The following CCDC102B variants were observed in gnomAD, a reference collection of about 807,000 sequenced individuals.
CCDC102B encodes the protein coiled-coil domain containing 102B, also known as coiled-coil domain-containing protein 102B.
In CCDC102B, 75 loss-of-function variants were observed where a neutral mutation model predicts 57.4. The ratio of observed to expected loss-of-function variants is 1.31; its 90% CI spans 1.08 to 1.58. CCDC102B has a LOEUF of 1.58. Among genes scored for constraint, CCDC102B ranks in the 40% most tolerant of loss-of-function variants. The pLI, the probability that CCDC102B is intolerant of heterozygous loss-of-function variation, is 0.00. For synonymous variants in CCDC102B, 206 were observed against 201.9 expected, an observed-to-expected ratio of 1.02 and a Z score of -0.17; for missense variants, 636 against 582.6, an observed-to-expected ratio of 1.09 and a Z score of -0.94.
chr18:68,853,702 A>AAAAAAAAAAAT (rs2038248352), intron 4 of CCDC102B, among the ~76,000 whole-genome samples: 1 of 145,046 alleles, frequency 6.9e-6, no homozygotes, highest in African/African-American at 2.7e-5. Context: ...AAAAAAAAAA[A>AAAAAAAAAAAT]TCTGACTCAA....
chr18:68,996,498 C>A (rs563563413), intron 6 of CCDC102B, among the ~76,000 whole-genome samples: 2 of 152,236 alleles, frequency 1.3e-5, no homozygotes, highest in African/African-American at 4.8e-5. Flanking sequence ...CCTTAATAAA[C>A]TCTGCTTCAT....
At chr18:68,838,531 A>C (rs867507240) in intron 2 of CCDC102B, 175 bp from the exon 3 acceptor site, 1 of 985,298 alleles carries the variant, frequency 1.0e-6, no homozygotes, top group Admixed American at 6.1e-5. Context: ...AGAAAAAAAC[A>C]AGCTCAAAGA....
At chr18:68,925,103 A>G (rs1041395430) in intron 6 of CCDC102B, among the ~76,000 whole-genome samples, 1 of 152,088 alleles carries the variant, frequency 6.6e-6, no homozygotes, top group Non-Finnish European at 1.5e-5. Flanking sequence ...CAGCCCTCCA[A>G]TTATGCTATG....
chr18:68,952,729 A>C (rs552736229), intron 6 of CCDC102B, among the ~76,000 whole-genome samples: 1 of 152,316 alleles, frequency 6.6e-6, no homozygotes, highest in East Asian at 1.9e-4. Context: ...ACTACTTGGC[A>C]AAATTTGTAA....
rs114823695 is a variant in CCDC102B at position 69,042,541 on chromosome 18, G to A, written c.1435-11489G>A. Among the ~76,000 whole-genome samples, 292 of 152,128 alleles carry A rather than the reference G, an allele frequency of 1.9e-3. 1 individual carries two copies. Among genetic ancestry groups the A allele is most frequent in the African/African-American group, 6.8e-3 (284 of 41,520 alleles). ...TCTACTTTTCTCTAACAAAATCGTG[G>A]TGATCTTTAAAAAGAAATTATATTA... is the stretch of plus-strand genomic sequence containing the variant. On this transcript the variant is annotated intron_variant, in intron 7 of 7. Coordinates refer to ENST00000360242, the MANE Select transcript of CCDC102B (RefSeq NM_024781.3).
chr18:69,017,995 CTG>C (rs61238979), intron 7 of CCDC102B, among the ~76,000 whole-genome samples: 10,982 of 149,016 alleles, frequency 0.074, 743 homozygotes, highest in East Asian at 0.19. Context: ...CTAAATATTT[CTG>C]TGTGTGTGTG....
chr18:69,045,016 T>C (rs1238087066), intron 7 of CCDC102B, among the ~76,000 whole-genome samples: 2 of 152,048 alleles, frequency 1.3e-5, no homozygotes, highest in African/African-American at 2.4e-5. Flanking sequence ...CCTTTTCTTG[T>C]TGTGTGTGCG....
intron 6 of CCDC102B, among the ~76,000 whole-genome samples, chr18:69,000,561 C>T (rs925506855): frequency 6.6e-6 from 1 of 152,106 alleles, no homozygotes; most frequent in Non-Finnish European, 1.5e-5. Context: ...CAGAGTATGA[C>T]TCATGGCTGT....
At chr18:69,032,952 A>T (rs60639915) in intron 7 of CCDC102B, among the ~76,000 whole-genome samples, 11,838 of 152,208 alleles carry the variant, frequency 0.078, 1,546 homozygotes, top group African/African-American at 0.27. Flanking sequence ...TATATGCATA[A>T]CAATAATCAT....
chr18:68,881,227 A>G (rs2039683490), intron 5 of CCDC102B, among the ~76,000 whole-genome samples: 1 of 152,246 alleles, frequency 6.6e-6, no homozygotes, highest in African/African-American at 2.4e-5. Context: ...TAATATGTGC[A>G]TCCTTGTCTT....
intron 6 of CCDC102B, among the ~76,000 whole-genome samples, chr18:68,924,106 G>A (rs12961346): frequency 0.89 from 135,224 of 151,106 alleles, 60,578 homozygotes; most frequent in East Asian, 0.99. Context: ...CAGTCTCTGC[G>A]TCTCAGCCCC....
rs532109730 is a variant in CCDC102B at position 68,875,160 on chromosome 18, G to C, written c.1053+375G>C. 6.6e-5 allele frequency among the ~76,000 whole-genome samples: 10 copies of C among 152,138 alleles called. No homozygotes were observed. The South Asian group carries it at 2.1e-3, about 32-fold the overall frequency. On this transcript the variant is annotated intron_variant, in intron 5 of 7. Coordinates refer to ENST00000360242, the MANE Select transcript of CCDC102B (RefSeq NM_024781.3). Reference sequence around the variant, plus strand: ...TGCAATTTCTGGTGGAATTAACATTGCTATTGGAAGCTAACAACAGTGAGA... The same window carrying C: ...TGCAATTTCTGGTGGAATTAACATTCCTATTGGAAGCTAACAACAGTGAGA...
chr18:68,876,809 G>GA (rs1319924780), intron 5 of CCDC102B, among the ~76,000 whole-genome samples: 3 of 152,066 alleles, frequency 2.0e-5, no homozygotes, highest in African/African-American at 7.2e-5. Flanking sequence ...AACCACTGGA[G>GA]AAAAATAACA....
chr18:69,050,453 A>G (rs1000501352), intron 7 of CCDC102B, among the ~76,000 whole-genome samples: 1 of 152,188 alleles, frequency 6.6e-6, no homozygotes, highest in Non-Finnish European at 1.5e-5. Flanking sequence ...TTTCCTAGTC[A>G]TGATAGTGCC....
At chr18:68,812,801 A>G (rs980307396) in intron 1 of CCDC102B, among the ~76,000 whole-genome samples, 2 of 152,188 alleles carry the variant, frequency 1.3e-5, no homozygotes, top group Admixed American at 6.5e-5. Context: ...AAGAATTAAC[A>G]TACAGGAATT....
At chr18:68,991,999 A>G (rs8095883) in intron 6 of CCDC102B, among the ~76,000 whole-genome samples, 130,325 of 152,120 alleles carry the variant, frequency 0.86, 57,833 homozygotes, top group Non-Finnish European at 0.97. Context: ...ATTAGGCTTT[A>G]TAATTTTTTC....
At chr18:68,862,997 C>G (rs2038826804) in intron 4 of CCDC102B, among the ~76,000 whole-genome samples, 1 of 151,754 alleles carries the variant, frequency 6.6e-6, no homozygotes, top group Non-Finnish European at 1.5e-5. Flanking sequence ...ACTTACTTAT[C>G]ACTAAATATA....
chr18:68,759,794 T>C (rs566376415), intron 2 of CCDC102B, among the ~76,000 whole-genome samples: 57 of 152,124 alleles, frequency 3.7e-4, no homozygotes, highest in South Asian at 6.3e-4. Flanking sequence ...AGCTGGATTG[T>C]AGACCTACAG....
At chr18:68,921,149 C>G (rs909370158) in intron 6 of CCDC102B, among the ~76,000 whole-genome samples, 7 of 152,156 alleles carry the variant, frequency 4.6e-5, no homozygotes, top group African/African-American at 1.7e-4. Context: ...AAGGCCTCTT[C>G]CAATATTCTA....
Sources: gnomAD v4.1 joint callset for allele counts (sites outside exome capture counted in the v4.1 genomes callset) on GRCh38, gnomAD v4.1.1 for gene constraint, MANE v1.5 for transcripts, NCBI Gene and HGNC (gene_info 2026-07-23, HGNC 2026-07-21) for gene names.